Variants in RTN1 observed in about 807,000 individuals in gnomAD.
The protein encoded by RTN1 is reticulon-1.
Under a neutral mutation model 65.5 loss-of-function variants are expected in RTN1, and 25 were observed. The ratio of observed to expected loss-of-function variants is 0.38; its 90% CI spans 0.28 to 0.53. RTN1 has a LOEUF of 0.53. Among genes scored for constraint, RTN1 ranks in the 20% least tolerant of loss-of-function variants. The pLI, the probability that RTN1 is intolerant of heterozygous loss-of-function variation, is 0.79. For missense variants in RTN1, 983 were observed against 1,025.4 expected, an observed-to-expected ratio of 0.96 and a Z score of 0.57; for synonymous variants, 471 against 447.6, an observed-to-expected ratio of 1.05 and a Z score of -0.66.
At chr14:59,610,446 T>C (rs1390094892) in intron 3 of RTN1, among the ~76,000 whole-genome samples, 2 of 152,350 alleles carry the variant, frequency 1.3e-5, no homozygotes, top group African/African-American at 2.4e-5. Context: ...CACTCTCATA[T>C]GTTATCTCAC....
rs371153876 is a variant in RTN1, at chr14:59,596,725, G to T, written c.*20C>A. On this transcript the variant is annotated 3_prime_UTR_variant, in exon 9 of 9. Coordinates refer to ENST00000267484, the MANE Select transcript of RTN1 (RefSeq NM_021136.3). ...CTCCAGACATTCCTGTTTGTGTCCA[G>T]TCCCCGGTGGGAAATCAGTTTACTC... 6.3e-7 allele frequency: 1 copy of T among 1,594,746 alleles called. No individual in the cohort carries two copies. Among genetic ancestry groups the T allele is most frequent in the East Asian group, 2.2e-5 (1 of 44,762 alleles).
At chr14:59,784,582 G>A (rs186028133) in intron 1 of RTN1, among the ~76,000 whole-genome samples, 7 of 152,286 alleles carry the variant, frequency 4.6e-5, no homozygotes, top group Admixed American at 4.6e-4. Flanking sequence ...ACTGTAGGGA[G>A]ATATTACTTT....
intron 1 of RTN1, among the ~76,000 whole-genome samples, chr14:59,853,254 TG>T (rs1335161304): frequency 3.9e-5 from 6 of 152,194 alleles, no homozygotes; most frequent in Non-Finnish European, 8.8e-5. Context: ...GTCACAGGCA[TG>T]ATCAACCCAA....
At chr14:59,606,595 G>A (rs1043885092) in intron 4 of RTN1, among the ~76,000 whole-genome samples, 1 of 152,134 alleles carries the variant, frequency 6.6e-6, no homozygotes, top group Non-Finnish European at 1.5e-5. Context: ...CCTTGATCTT[G>A]GATTTCCCAG....
rs138367922 is a variant in RTN1, at chr14:59,855,107, T to C, written c.241+15283A>G. On this transcript the variant is annotated intron_variant, in intron 1 of 8. Coordinates refer to ENST00000267484, the MANE Select transcript of RTN1 (RefSeq NM_021136.3). ...TGCATTTAGCAAACATGAGGCAATA[T>C]ACCTGTCAGTCTGTTTTCACTGTAC... 1.2e-4 allele frequency among the ~76,000 whole-genome samples: 18 copies of C among 152,330 alleles called. No individual in the cohort carries two copies. The East Asian group carries it at 3.5e-3, about 29-fold the overall frequency.
Position 59,816,164 on chromosome 14 carries a change from T to C in RTN1, c.241+54226A>G, listed in dbSNP as rs1334620717. Among the ~76,000 whole-genome samples the C allele has an allele frequency of 6.6e-6, 1 of 152,120 alleles. No homozygotes were observed. The highest frequency in any genetic ancestry group is 2.4e-5 in the African/African-American group (1 of 41,408). On this transcript the variant is annotated intron_variant, in intron 1 of 8. Coordinates refer to ENST00000267484, the MANE Select transcript of RTN1 (RefSeq NM_021136.3). The surrounding 1 kb of genome is among the most constrained non-coding windows in gnomAD (Gnocchi z 4.3). ...TTTCTTTTATAATTATCTTTACTGC[T>C]ACATGCATACTTTTAGAGACTAAAG...
At chr14:59,643,488 G>T (rs893841507) in intron 3 of RTN1, among the ~76,000 whole-genome samples, 1 of 152,206 alleles carries the variant, frequency 6.6e-6, no homozygotes, top group Non-Finnish European at 1.5e-5. Flanking sequence ...AAAGTGCTAG[G>T]ATTACAGGCG....
intron 1 of RTN1, among the ~76,000 whole-genome samples, chr14:59,821,546 G>A (rs1420874760): frequency 6.6e-6 from 1 of 152,072 alleles, no homozygotes; most frequent in Admixed American, 6.5e-5. Flanking sequence ...ACTTCCAATA[G>A]TATGTTGAAT....
chr14:59,626,760 C>T (rs935783312), intron 3 of RTN1, among the ~76,000 whole-genome samples: 5 of 152,214 alleles, frequency 3.3e-5, no homozygotes, highest in Admixed American at 1.3e-4. Context: ...AAAAGTCTCA[C>T]GGAGGCTTAA....
chr14:59,708,233 C>G (rs1460636402), intron 3 of RTN1, among the ~76,000 whole-genome samples: 2 of 152,212 alleles, frequency 1.3e-5, no homozygotes, highest in African/African-American at 4.8e-5. Flanking sequence ...CCCACAGTCT[C>G]AGGAATCTGT....
In RTN1 at chr14:59,816,607, A is replaced by G. The variant is rs941501695; in HGVS notation, c.241+53783T>C. ...CCAAGATAAAATTAAGATGGGGTTCAGGGATGAGAAGTGGGGAGGATCATG... is the reference window on the plus strand; with the variant it reads ...CCAAGATAAAATTAAGATGGGGTTCGGGGATGAGAAGTGGGGAGGATCATG... On this transcript the variant is annotated intron_variant, in intron 1 of 8. Transcript: ENST00000267484. This position sits in a 1 kb window ranked among gnomAD's most constrained non-coding sequence, Gnocchi z 4.3. Among the ~76,000 whole-genome samples, 2 of 152,196 alleles carry G rather than the reference A, an allele frequency of 1.3e-5. No homozygotes were observed. The highest frequency in any genetic ancestry group is 4.8e-5 in the African/African-American group (2 of 41,454).
intron 3 of RTN1, among the ~76,000 whole-genome samples, chr14:59,692,690 C>T (rs1594681528): frequency 6.6e-6 from 1 of 152,134 alleles, no homozygotes; most frequent in Non-Finnish European, 1.5e-5. Flanking sequence ...ACCAAAACAG[C>T]ATGGTACTGG....
chr14:59,723,061 G>T (rs182800929), intron 3 of RTN1, among the ~76,000 whole-genome samples: 1 of 152,078 alleles, frequency 6.6e-6, no homozygotes, highest in African/African-American at 2.4e-5. Flanking sequence ...GCCTCCCAAA[G>T]TGCTGGGGCT....
chr14:59,706,059 A>G (rs1884285018), intron 3 of RTN1, among the ~76,000 whole-genome samples: 1 of 152,224 alleles, frequency 6.6e-6, no homozygotes, highest in Non-Finnish European at 1.5e-5. Flanking sequence ...CATTGAATCT[A>G]CACTGGGCAG....
intron 8 of RTN1, among the ~76,000 whole-genome samples, chr14:59,602,023 T>C (rs138185673): frequency 6.6e-6 from 1 of 151,720 alleles, no homozygotes; most frequent in East Asian, 1.9e-4. Context: ...AAATTCAACA[T>C]AGAACCCTAT....
intron 3 of RTN1, among the ~76,000 whole-genome samples, chr14:59,639,941 G>A (rs116209677): frequency 2.6e-5 from 4 of 151,922 alleles, no homozygotes; most frequent in Admixed American, 1.3e-4. Context: ...CTAATATTTT[G>A]TGTAGAATTT....
At chr14:59,866,270 G>A (rs1279070467) in intron 1 of RTN1, among the ~76,000 whole-genome samples, 1 of 152,092 alleles carries the variant, frequency 6.6e-6, no homozygotes, top group Non-Finnish European at 1.5e-5. Flanking sequence ...GAATTGAACC[G>A]CAATGGTTTC....
At chr14:59,810,610 C>G (rs916784963) in intron 1 of RTN1, among the ~76,000 whole-genome samples, 3 of 152,070 alleles carry the variant, frequency 2.0e-5, no homozygotes, top group African/African-American at 7.2e-5. Context: ...CGATAAACAA[C>G]TATAAAAAGA....
intron 3 of RTN1, among the ~76,000 whole-genome samples, chr14:59,656,388 G>GA (rs915226270): frequency 1.3e-5 from 2 of 152,276 alleles, no homozygotes; most frequent in African/African-American, 4.8e-5. Context: ...AAATATGGAA[G>GA]AAAAAAATTG....
Sources: allele counts gnomAD v4.1 joint callset (sites outside exome capture counted in the v4.1 genomes callset), GRCh38; gene constraint gnomAD v4.1.1; non-coding constraint Gnocchi (gnomAD v3.1); transcripts MANE v1.5; gene names NCBI Gene and HGNC (gene_info 2026-07-23, HGNC 2026-07-21).